The following MLLT1 variants were observed in gnomAD, a reference collection of about 807,000 sequenced individuals.
MLLT1 encodes the protein MLLT1 super elongation complex subunit.
In MLLT1, 11 loss-of-function variants were observed where a neutral mutation model predicts 55.1. The ratio of observed to expected loss-of-function variants is 0.20; its 90% confidence interval spans 0.13 to 0.33. MLLT1 has a LOEUF of 0.33. Among genes scored for constraint, MLLT1 ranks in the 10% least tolerant of loss-of-function variants. MLLT1 has a pLI of 1.00. For synonymous variants in MLLT1, 323 were observed against 320.1 expected, an observed-to-expected ratio of 1.01 and a Z score of -0.10; for missense variants, 536 against 760.6, an observed-to-expected ratio of 0.70 and a Z score of 3.47.
chr19:6,212,953 G>T lies in MLLT1; in HGVS notation c.*89C>A. 6.6e-7 allele frequency: 1 copy of T among 1,513,102 alleles called. No homozygotes were observed. 93.7% of individuals were successfully genotyped at this position (1,513,102 alleles called of 1,614,324 possible). ...AGGGCTGTCGCTAAGGCAGTGCTGC[G>T]GGCAGGCGAGACGGGAGAGGAGGGC... is the stretch of plus-strand genomic sequence containing the variant. On this transcript the variant is annotated 3_prime_UTR_variant, in exon 12 of 12. Coordinates refer to ENST00000252674, the MANE Select transcript of MLLT1 (RefSeq NM_005934.4).
chr19:6,241,209 A>C (rs1339021075), intron 3 of MLLT1, among the ~76,000 whole-genome samples: 3 of 152,064 alleles, frequency 2.0e-5, no homozygotes, highest in Non-Finnish European at 4.4e-5. Flanking sequence ...TCTACCCTGA[A>C]CTGAGGCCGC....
chr19:6,276,097 T>G (rs1215420512), intron 1 of MLLT1, among the ~76,000 whole-genome samples: 3 of 152,118 alleles, frequency 2.0e-5, no homozygotes. Context: ...GTGCAAAACC[T>G]CCCATTACGA....
rs145849619 is a variant in MLLT1 at position 6,256,254 on chromosome 19, T to A, written c.276+5974A>T. ...ATAAATAAATAAATAAATAAATAAATAAAAAGACCAGCCTGGGCAACACAA... is the reference window on the plus strand; with the variant it reads ...ATAAATAAATAAATAAATAAATAAAAAAAAAGACCAGCCTGGGCAACACAA... On this transcript the variant is annotated intron_variant, in intron 3 of 11. Transcript: ENST00000252674. The surrounding 1 kb of genome is among the most constrained non-coding windows in gnomAD (Gnocchi z 4.1). Among the ~76,000 whole-genome samples the A allele has an allele frequency of 1.6e-4, 23 of 148,294 alleles. No homozygotes were observed. Among genetic ancestry groups the A allele is most frequent in the African/African-American group, 4.7e-4 (19 of 40,002 alleles).
In MLLT1 at chr19:6,211,590, G is replaced by A. The variant is rs2090772544; in HGVS notation, c.*1452C>T. On this transcript the variant is annotated 3_prime_UTR_variant, in exon 12 of 12. Coordinates refer to ENST00000252674, the MANE Select transcript of MLLT1 (RefSeq NM_005934.4). This position sits in a 1 kb window ranked among gnomAD's most constrained non-coding sequence, Gnocchi z 4.6. ...TCTAGGTGGGTTCGAGGGGGTGCGA[G>A]CCCACCTCCAGGCCCTCAGCCCTCT... 5 of 1,064,792 alleles carry A rather than the reference G, an allele frequency of 4.7e-6. No homozygotes were observed. The highest frequency in any genetic ancestry group is 5.7e-6 in the Non-Finnish European group (5 of 878,612). 66.0% of individuals were successfully genotyped at this position (1,064,792 alleles called of 1,614,324 possible). A position where few individuals can be genotyped will look rare whatever the true frequency, so the allele number is the denominator to read the frequency against.
chr19:6,222,670 C>T lies in MLLT1; in HGVS notation c.561G>A (p.Glu187=), dbSNP rs747268363. ...TGTGTGGCTTGGAGGTCTTGCTGCT[C>T]TCCTTGTTGGCGTCCTGCAAGGCCA... ...PSHGSKDANK[E]SSKTSKPHKV... Residue 187 remains glutamate, a synonymous_variant, in exon 6 of 12, where the codon GAG becomes GAA. Coordinates refer to ENST00000252674, the MANE Select transcript of MLLT1 (RefSeq NM_005934.4). The surrounding 1 kb of genome is among the most constrained non-coding windows in gnomAD (Gnocchi z 4.1). The T allele has an allele frequency of 3.2e-6, 5 of 1,544,360 alleles. No homozygotes were observed. Among genetic ancestry groups the T allele is most frequent in the Middle Eastern group, 1.8e-4 (1 of 5,434 alleles).
At chr19:6,223,076 C>T (rs1294279639) in intron 5 of MLLT1, among the ~76,000 whole-genome samples, 1 of 152,144 alleles carries the variant, frequency 6.6e-6, no homozygotes, top group Non-Finnish European at 1.5e-5. Flanking sequence ...GGGGTGCTGG[C>T]GGGCACTGGA....
Position 6,230,566 on chromosome 19 carries a change from T to C in MLLT1, c.420+4A>G. The C allele has an allele frequency of 6.2e-7, 1 of 1,612,050 alleles. No individual in the cohort carries two copies. ...CTTGGCGGGCAGGGGCGGGGCACAC[T>C]CACCCCGCCGGCCCGCAGGAGCTTG... On this transcript the variant is annotated splice_donor_region_variant and intron_variant, in intron 4 of 11. Coordinates refer to ENST00000252674, the MANE Select transcript of MLLT1 (RefSeq NM_005934.4). This position sits in a 1 kb window ranked among gnomAD's most constrained non-coding sequence, Gnocchi z 9.0.
At chr19:6,248,134 C>T (rs772858232) in intron 3 of MLLT1, among the ~76,000 whole-genome samples, 8 of 152,144 alleles carry the variant, frequency 5.3e-5, no homozygotes, top group Admixed American at 2.0e-4. Flanking sequence ...GTGATTCACT[C>T]GCCTTCGCCT....
rs1293128415 is a variant in MLLT1 at position 6,262,190 on chromosome 19, C to A, written c.276+38G>T. ...GTGGCACCCGGAGCAGGGGTCCCCA[C>A]AGAGAGGCATCCTGCTTGCTCCCCT... On this transcript the variant is annotated intron_variant, in intron 3 of 11. Transcript: ENST00000252674. The surrounding 1 kb of genome is among the most constrained non-coding windows in gnomAD (Gnocchi z 4.4). The A allele has an allele frequency of 5.1e-6, 8 of 1,570,110 alleles. No homozygotes were observed. Among genetic ancestry groups the A allele is most frequent in the Non-Finnish European group, 7.0e-6 (8 of 1,140,636 alleles).
At chr19:6,276,166 T>C (rs960281231) in intron 1 of MLLT1, among the ~76,000 whole-genome samples, 2 of 152,112 alleles carry the variant, frequency 1.3e-5, no homozygotes, top group African/African-American at 4.8e-5. Flanking sequence ...TGCTTCACAA[T>C]ATAATCACTT....
intron 8 of MLLT1, among the ~76,000 whole-genome samples, chr19:6,214,556 G>A (rs2090820236): frequency 6.6e-6 from 1 of 152,146 alleles, no homozygotes; most frequent in African/African-American, 2.4e-5. Context: ...AGGGGTATCT[G>A]GTGGTGGGGA....
chr19:6,267,227 G>A (rs368668493), intron 2 of MLLT1, among the ~76,000 whole-genome samples: 38 of 152,018 alleles, frequency 2.5e-4, no homozygotes, highest in African/African-American at 8.0e-4. Context: ...TCAGCTTCCC[G>A]AGTAGCTGGG....
rs2091256631 is a variant in MLLT1, at chr19:6,256,311, T to C, written c.276+5917A>G. 6.6e-6 allele frequency among the ~76,000 whole-genome samples: 1 copy of C among 151,808 alleles called. No homozygotes were observed. Among genetic ancestry groups the C allele is most frequent in the South Asian group, 2.1e-4 (1 of 4,824 alleles). ...CCCATCTCTACAAAAATAATAAAAT[T>C]AGCTGGATGTGGTGGTGCAGGCCCG... On this transcript the variant is annotated intron_variant, in intron 3 of 11. Coordinates refer to ENST00000252674, the MANE Select transcript of MLLT1 (RefSeq NM_005934.4). This position sits in a 1 kb window ranked among gnomAD's most constrained non-coding sequence, Gnocchi z 4.1.
In MLLT1 at chr19:6,256,578, C is replaced by T. The variant is rs1396107742; in HGVS notation, c.276+5650G>A. ...GACCATCCTGGCTAACACGGTGAAACCTGGTCTCTACTACAAATACAAAAA... is the reference window on the plus strand; with the variant it reads ...GACCATCCTGGCTAACACGGTGAAATCTGGTCTCTACTACAAATACAAAAA... On this transcript the variant is annotated intron_variant, in intron 3 of 11. Coordinates refer to ENST00000252674, the MANE Select transcript of MLLT1 (RefSeq NM_005934.4). This position sits in a 1 kb window ranked among gnomAD's most constrained non-coding sequence, Gnocchi z 4.1. Among the ~76,000 whole-genome samples the T allele has an allele frequency of 6.6e-6, 1 of 152,038 alleles. No homozygotes were observed. The highest frequency in any genetic ancestry group is 1.5e-5 in the Non-Finnish European group (1 of 68,012).
intron 2 of MLLT1, among the ~76,000 whole-genome samples, chr19:6,269,864 C>T (rs982845314): frequency 6.6e-6 from 1 of 152,302 alleles, no homozygotes; most frequent in Admixed American, 6.5e-5. Flanking sequence ...TGCCGGGCTC[C>T]GGGCTTCACA....
intron 3 of MLLT1, among the ~76,000 whole-genome samples, chr19:6,258,313 T>C (rs2091275698): frequency 6.6e-6 from 1 of 150,822 alleles, no homozygotes; most frequent in Non-Finnish European, 1.5e-5. Context: ...GTAGATTCCA[T>C]ACTTTTGAAT....
At chr19:6,279,453 C>G (rs2091445581) in intron 1 of MLLT1, among the ~76,000 whole-genome samples, 1 of 151,954 alleles carries the variant, frequency 6.6e-6, no homozygotes, top group Admixed American at 6.5e-5. Context: ...TCCCCAGGGG[C>G]GTCCCAGGTG....
intron 6 of MLLT1, among the ~76,000 whole-genome samples, chr19:6,220,901 C>T (rs1401276502): frequency 6.6e-6 from 1 of 152,184 alleles, no homozygotes; most frequent in Non-Finnish European, 1.5e-5. Context: ...CACCGGCCCC[C>T]CCACCGCCTC....
At chr19:6,216,145 C>T (rs906946781) in intron 8 of MLLT1, among the ~76,000 whole-genome samples, 1 of 152,120 alleles carries the variant, frequency 6.6e-6, no homozygotes, top group African/African-American at 2.4e-5. Flanking sequence ...CCAGTGACCA[C>T]GAGGAGGGAT....
Sources: allele counts gnomAD v4.1 joint callset (sites outside exome capture counted in the v4.1 genomes callset), GRCh38; gene constraint gnomAD v4.1.1; non-coding constraint Gnocchi (gnomAD v3.1); transcripts MANE v1.5; gene names NCBI Gene and HGNC (gene_info 2026-07-23, HGNC 2026-07-21).